PPP2R3A: variants seen among roughly 807,000 people sequenced by gnomAD.
The protein encoded by PPP2R3A is serine/threonine-protein phosphatase 2A regulatory subunit B'' subunit alpha.
A neutral mutation model predicts 106.9 loss-of-function variants in PPP2R3A; 80 were observed. The observed-to-expected ratio is 0.75, with a 90% CI of 0.62 to 0.90. PPP2R3A has a LOEUF of 0.90. PPP2R3A is among the 40% of genes least tolerant of loss of function. The pLI is 0.00. For synonymous variants in PPP2R3A, 483 were observed against 468.3 expected, an observed-to-expected ratio of 1.03 and a Z score of -0.41; for missense variants, 1,386 against 1,350.4, an observed-to-expected ratio of 1.03 and a Z score of -0.41.
At chr3:136,050,935 A>G (rs1359525864) in intron 5 of PPP2R3A, among the ~76,000 whole-genome samples, 2 of 152,148 alleles carry the variant, frequency 1.3e-5, no homozygotes, top group African/African-American at 4.8e-5. Flanking sequence ...TGCAGGGTCC[A>G]CAGTCATTTG....
At position 136,107,223 on chromosome 3, in the gene PPP2R3A, G is replaced by T. The variant is rs1464674384; in HGVS notation, c.3329+901G>T. 2.6e-5 allele frequency among the ~76,000 whole-genome samples: 4 copies of T among 151,198 alleles called. No homozygotes were observed. In the East Asian group the frequency reaches 5.8e-4, roughly 22 times the overall value. On this transcript the variant is annotated intron_variant, in intron 13 of 13. Transcript: ENST00000264977. Reference sequence around the variant, plus strand: ...TTCCTTAGTCATAGCTTCTGTAAAGGCCTCAATTAATCTTTCTCATTAATG... The same window carrying T: ...TTCCTTAGTCATAGCTTCTGTAAAGTCCTCAATTAATCTTTCTCATTAATG...
intron 13 of PPP2R3A, among the ~76,000 whole-genome samples, chr3:136,135,075 G>C (rs1209435067): frequency 1.3e-5 from 2 of 151,780 alleles, no homozygotes; most frequent in Non-Finnish European, 1.5e-5. Context: ...AGTTGTGGTA[G>C]CACTGAGAGA....
At position 136,058,229 on chromosome 3, in the gene PPP2R3A, A is replaced by G. The variant is rs550964050; in HGVS notation, c.2469+8868A>G. On this transcript the variant is annotated intron_variant, in intron 5 of 13. Transcript: ENST00000264977. ...ATAAAGGGCATCAGGAAGTCACACTATCCCTGTTGGGAGACGACATGATCC... is the reference window on the plus strand; with the variant it reads ...ATAAAGGGCATCAGGAAGTCACACTGTCCCTGTTGGGAGACGACATGATCC... 2.6e-5 allele frequency among the ~76,000 whole-genome samples: 4 copies of G among 152,258 alleles called. No individual in the cohort carries two copies. In the South Asian group the frequency reaches 6.2e-4, roughly 24 times the overall value.
chr3:136,065,688 G>T (rs1936242980), intron 5 of PPP2R3A, among the ~76,000 whole-genome samples: 1 of 152,128 alleles, frequency 6.6e-6, no homozygotes, highest in Admixed American at 6.6e-5. Context: ...TGCAAAATAA[G>T]AAATAACAAG....
At chr3:136,135,965 C>T (rs1347957573) in intron 13 of PPP2R3A, among the ~76,000 whole-genome samples, 1 of 141,436 alleles carries the variant, frequency 7.1e-6, no homozygotes, top group Admixed American at 7.4e-5. Context: ...TTGAATGAAC[C>T]TAGGAAGGAG....
At chr3:136,142,986 TC>T (rs1938938608) in intron 13 of PPP2R3A, among the ~76,000 whole-genome samples, 4 of 152,130 alleles carry the variant, frequency 2.6e-5, no homozygotes, top group Admixed American at 2.6e-4. Flanking sequence ...AAAGTTCCTC[TC>T]CTATTGCCTC....
chr3:136,049,160 G>C (rs182069875), intron 4 of PPP2R3A, 99 bp from the exon 5 acceptor site: 1 of 802,938 alleles, frequency 1.2e-6, no homozygotes. Flanking sequence ...TTGTTGATCT[G>C]AGTGGCCTTC....
At chr3:135,981,616 T>C (rs1471823094) in intron 1 of PPP2R3A, among the ~76,000 whole-genome samples, 1 of 151,862 alleles carries the variant, frequency 6.6e-6, no homozygotes, top group Non-Finnish European at 1.5e-5. Context: ...GTTTTAGTGT[T>C]AGGATGCAGT....
chr3:136,101,412 T>C (rs768815970), intron 10 of PPP2R3A, among the ~76,000 whole-genome samples: 1 of 152,040 alleles, frequency 6.6e-6, no homozygotes, highest in Non-Finnish European at 1.5e-5. Context: ...TTTTGTTTGG[T>C]TGGTTGGTTG....
chr3:136,017,679 A>G (rs1230666676), intron 2 of PPP2R3A, among the ~76,000 whole-genome samples: 2 of 152,174 alleles, frequency 1.3e-5, no homozygotes, highest in African/African-American at 4.8e-5. Context: ...CTTCTGAGCA[A>G]AATCCTTTGG....
chr3:136,003,604 T>G, intron 2 of PPP2R3A, 111 bp downstream of exon 2: 1 of 899,190 alleles, frequency 1.1e-6, no homozygotes, highest in Non-Finnish European at 1.7e-6. Flanking sequence ...ACTAAAGCTC[T>G]GCCCTACACT....
chr3:135,969,319 A>G (rs1042759827), intron 1 of PPP2R3A, among the ~76,000 whole-genome samples: 11 of 152,316 alleles, frequency 7.2e-5, no homozygotes, highest in African/African-American at 1.9e-4. Context: ...AGAAGTACAT[A>G]TATTCATGAG....
rs139573444 is a variant in PPP2R3A at position 136,066,089 on chromosome 3, C to T, written c.2470-4389C>T. The stretch of plus-strand genomic sequence containing the variant: ...AAATACATAGGACCCAAATTGACTC[C>T]ATTTGATTTAGAAAGGTAAACAGAC... On this transcript the variant is annotated intron_variant, in intron 5 of 13. Transcript: ENST00000264977. Among the ~76,000 whole-genome samples the T allele has an allele frequency of 1.4e-3, 211 of 152,194 alleles. 1 individual carries two copies. Among genetic ancestry groups the T allele is most frequent in the African/African-American group, 4.9e-3 (204 of 41,526 alleles).
In PPP2R3A at chr3:136,107,543, A is replaced by G. The variant is rs189659750; in HGVS notation, c.3329+1221A>G. On this transcript the variant is annotated intron_variant, in intron 13 of 13. Coordinates refer to ENST00000264977, the MANE Select transcript of PPP2R3A (RefSeq NM_002718.5). ...ATAGAGGAAGAGCAGGTCTAGAGGGATAAACAGAAACTATCCAGCCCCATA... is the reference window on the plus strand; with the variant it reads ...ATAGAGGAAGAGCAGGTCTAGAGGGGTAAACAGAAACTATCCAGCCCCATA... Among the ~76,000 whole-genome samples the G allele has an allele frequency of 1.7e-3, 248 of 148,594 alleles. 1 individual carries two copies. Among genetic ancestry groups the G allele is most frequent in the African/African-American group, 5.8e-3 (236 of 40,362 alleles).
rs755813305 is a variant in PPP2R3A at position 136,003,389 on chromosome 3, A to G, written c.1891A>G (p.Thr631Ala). Residue 631 changes from threonine to alanine, a missense_variant, in exon 2 of 14, where the codon ACT (threonine) becomes GCT (alanine). Coordinates refer to ENST00000264977, the MANE Select transcript of PPP2R3A (RefSeq NM_002718.5). ...GCAAATTCTACAGGAAACCTTGACA[A>G]CTTCCTCCCAGGCCAATTTATCAGT... Reference protein sequence around the residue: ...MMQILQETLTTSSQANLSVCR... With the variant: ...MMQILQETLTASSQANLSVCR... 3.1e-6 allele frequency: 5 copies of G among 1,613,960 alleles called. No individual in the cohort carries two copies. Among genetic ancestry groups the G allele is most frequent in the Middle Eastern group, 3.3e-4 (2 of 6,062 alleles).
At chr3:136,020,119 A>G (rs1934414550) in intron 2 of PPP2R3A, among the ~76,000 whole-genome samples, 1 of 152,106 alleles carries the variant, frequency 6.6e-6, no homozygotes, top group Non-Finnish European at 1.5e-5. Flanking sequence ...GAATGACTAT[A>G]AAATTAAAAT....
At chr3:136,059,833 A>G (rs904998694) in intron 5 of PPP2R3A, among the ~76,000 whole-genome samples, 1 of 152,246 alleles carries the variant, frequency 6.6e-6, no homozygotes, top group East Asian at 1.9e-4. Flanking sequence ...TTGCAGGTAC[A>G]TGGATGGAGC....
At chr3:136,115,664 G>A (rs530637277) in intron 13 of PPP2R3A, among the ~76,000 whole-genome samples, 1 of 151,690 alleles carries the variant, frequency 6.6e-6, no homozygotes, top group East Asian at 1.9e-4. Context: ...TTGAAGATCA[G>A]CTTAATGAAA....
intron 13 of PPP2R3A, among the ~76,000 whole-genome samples, chr3:136,111,079 G>A (rs1937584699): frequency 6.6e-6 from 1 of 152,102 alleles, no homozygotes; most frequent in African/African-American, 2.4e-5. Flanking sequence ...GAATATCTCT[G>A]AAACAAATAT....
Sources: gnomAD v4.1 joint callset for allele counts (sites outside exome capture counted in the v4.1 genomes callset) on GRCh38, gnomAD v4.1.1 for gene constraint, MANE v1.5 for transcripts, NCBI Gene and HGNC (gene_info 2026-07-23, HGNC 2026-07-21) for gene names.